CCNH: variants seen among roughly 807,000 people sequenced by gnomAD.
CCNH encodes the protein cyclin H.
CCNH carries 31 observed loss-of-function variants against 41.9 expected under a neutral mutation model. The ratio of observed to expected loss-of-function variants is 0.74; its 90% CI spans 0.56 to 1.00. The LOEUF (loss-of-function observed/expected upper bound fraction) is 1.00. CCNH is among the 50% of genes least tolerant of loss of function. CCNH has a pLI of 0.00. For synonymous variants in CCNH, 138 were observed against 136.1 expected, an observed-to-expected ratio of 1.01 and a Z score of -0.10; for missense variants, 362 against 388.4, an observed-to-expected ratio of 0.93 and a Z score of 0.57.
downstream of CCNH, chr5:87,374,459 A>ATTTTTTTTTTTTT (rs770426797): frequency 6.1e-6 from 1 of 164,174 alleles, no homozygotes; most frequent in African/African-American, 3.0e-5. Context: ...ATATATATAT[A>ATTTTTTTTTTTTT]TTTTTTTTTT....
chr5:87,390,853 C>G (rs1249090220), downstream of CCNH: 1 of 1,613,534 alleles, frequency 6.2e-7, no homozygotes, highest in Admixed American at 1.7e-5. Context: ...AAAAACAAAA[C>G]CAGTATACAA....
At chr5:87,362,687 T>C (rs779000314) in intron 9 of CCNH, 6 of 1,600,972 alleles carry the variant, frequency 3.7e-6, no homozygotes, top group Admixed American at 1.7e-5. Context: ...TTCAGACTTT[T>C]ATCATTAACC....
At chr5:87,368,563 G>A (rs946951756) in intron 9 of CCNH, among the ~76,000 whole-genome samples, 4 of 152,164 alleles carry the variant, frequency 2.6e-5, no homozygotes, top group African/African-American at 7.2e-5. Flanking sequence ...CTTACGGATG[G>A]TATAGGGTTA....
chr5:87,320,590 A>G (rs907593819), intron 9 of CCNH, among the ~76,000 whole-genome samples: 1 of 152,200 alleles, frequency 6.6e-6, no homozygotes, highest in East Asian at 1.9e-4. Flanking sequence ...TTAAACCATC[A>G]GATCTTGCGG....
At chr5:87,331,718 C>T (rs1358238803) in intron 9 of CCNH, among the ~76,000 whole-genome samples, 1 of 151,916 alleles carries the variant, frequency 6.6e-6, no homozygotes, top group Non-Finnish European at 1.5e-5. Context: ...CTGTGCTGAT[C>T]CTCAAATATA....
At position 87,404,866 on chromosome 5, in the gene CCNH, T is replaced by A; in HGVS notation, c.667A>T (p.Arg223Trp). 6.2e-7 allele frequency: 1 copy of A among 1,613,268 alleles called. No individual in the cohort carries two copies. Residue 223 changes from arginine (R) to tryptophan (W), a missense_variant, in exon 5 of 9, where the codon AGG (arginine) becomes TGG (tryptophan). Physicochemically the swap from Arg to Trp is moderately radical, Grantham distance 101. Transcript: ENST00000256897. ...TACCTTTCCATAGTAATTCCAGCCC[T>A]GGAGGCACTAGATAAAATGGCAGTC... ...ALTAILSSAS[R>W]AGITMESYLS...
At chr5:87,333,041 G>T (rs547013182) in intron 9 of CCNH, among the ~76,000 whole-genome samples, 1 of 151,910 alleles carries the variant, frequency 6.6e-6, no homozygotes, top group Admixed American at 6.6e-5. Context: ...TTCATATTAC[G>T]TTATAAAAGC....
intron 7 of CCNH, among the ~76,000 whole-genome samples, chr5:87,396,144 T>G (rs1260090267): frequency 1.4e-5 from 2 of 147,426 alleles, no homozygotes; most frequent in South Asian, 4.3e-4. Flanking sequence ...TACATTGTAT[T>G]TAGGTATTAT....
chr5:87,381,493 G>A (rs1761714394), upstream of CCNH, among the ~76,000 whole-genome samples: 1 of 152,126 alleles, frequency 6.6e-6, no homozygotes, highest in South Asian at 2.1e-4. Context: ...AAAATAATTA[G>A]GCAACCATTA....
intron 9 of CCNH, among the ~76,000 whole-genome samples, chr5:87,360,801 T>C (rs1760029647): frequency 6.6e-6 from 1 of 152,202 alleles, no homozygotes; most frequent in African/African-American, 2.4e-5. Flanking sequence ...TCTGCCATCA[T>C]GATAAGAGTC....
chr5:87,375,315 C>T (rs762709216), downstream of CCNH, among the ~76,000 whole-genome samples: 1 of 151,724 alleles, frequency 6.6e-6, no homozygotes, highest in Non-Finnish European at 1.5e-5. Flanking sequence ...GGCTGCAGTG[C>T]AGTGGTGTGA....
chr5:87,408,258 G>T lies in CCNH; in HGVS notation c.315-72C>A, dbSNP rs1175343919. 3.1e-5 allele frequency: 20 copies of T among 642,560 alleles called. No homozygotes were observed. The Admixed American group carries it at 4.6e-4, about 15-fold the overall frequency. 39.8% of individuals were successfully genotyped at this position (642,560 alleles called of 1,614,324 possible). ...GAAGAACATGCATATACTTTGAGAAGTATCTAAATAATTTATTTCTAAAAG... is the reference window on the plus strand; with the variant it reads ...GAAGAACATGCATATACTTTGAGAATTATCTAAATAATTTATTTCTAAAAG... On this transcript the variant is annotated intron_variant, in intron 3 of 8. Coordinates refer to ENST00000256897, the MANE Select transcript of CCNH (RefSeq NM_001239.4).
chr5:87,406,489 A>C (rs1763800634), intron 4 of CCNH, among the ~76,000 whole-genome samples: 1 of 152,188 alleles, frequency 6.6e-6, no homozygotes, highest in African/African-American at 2.4e-5. Flanking sequence ...GCTAAGCATC[A>C]CAAATCCAAA....
chr5:87,350,198 G>T (rs758934364), intron 9 of CCNH, among the ~76,000 whole-genome samples: 1 of 151,814 alleles, frequency 6.6e-6, no homozygotes, highest in Non-Finnish European at 1.5e-5. Flanking sequence ...CTAGTTGCTT[G>T]CTGGAAGCTC....
chr5:87,391,507 T>C (rs1762513675), downstream of CCNH: 1 of 237,836 alleles, frequency 4.2e-6, no homozygotes. Flanking sequence ...GCTCATCAGC[T>C]TTATTTTTTA....
chr5:87,360,819 C>T (rs575220031), intron 9 of CCNH, among the ~76,000 whole-genome samples: 1 of 152,290 alleles, frequency 6.6e-6, no homozygotes, highest in South Asian at 2.1e-4. Flanking sequence ...GTCTAGAGTG[C>T]TGCTGTTTCT....
chr5:87,371,863 CGAT>C (rs552378341), downstream of CCNH, among the ~76,000 whole-genome samples: 189 of 152,086 alleles, frequency 1.2e-3, no homozygotes, highest in African/African-American at 4.4e-3. Flanking sequence ...AATGGCCACT[CGAT>C]GTGTTTCATA....
At chr5:87,411,766 C>T (rs1284127913) in intron 1 of CCNH, among the ~76,000 whole-genome samples, 2 of 152,124 alleles carry the variant, frequency 1.3e-5, no homozygotes, top group Non-Finnish European at 2.9e-5. Context: ...CAATAAATTT[C>T]TGTTATTTTA....
intron 2 of CCNH, among the ~76,000 whole-genome samples, chr5:87,410,114 TG>T (rs1222418590): frequency 6.6e-6 from 1 of 152,188 alleles, no homozygotes; most frequent in Non-Finnish European, 1.5e-5. Flanking sequence ...CTGGAACCAA[TG>T]AAATAACCAC....
Sources: gnomAD v4.1 joint callset for allele counts (sites outside exome capture counted in the v4.1 genomes callset) on GRCh38, gnomAD v4.1.1 for gene constraint, MANE v1.5 for transcripts, NCBI Gene and HGNC (gene_info 2026-07-23, HGNC 2026-07-21) for gene names.